Variants in SLC30A8 observed in about 807,000 individuals in gnomAD.
SLC30A8 encodes solute carrier family 30 member 8.
Under a neutral mutation model 36.9 loss-of-function variants are expected in SLC30A8, and 27 were observed. That is an observed-to-expected ratio of 0.73 (90% CI 0.54 to 1.01). The LOEUF is 1.01. SLC30A8 is among the 50% of genes least tolerant of loss of function. The pLI is 0.00. For synonymous variants in SLC30A8, 164 were observed against 172.4 expected (o/e 0.95, Z 0.38); for missense variants, 439 against 452.0 (o/e 0.97, Z 0.26).
intron 1 of SLC30A8, among the ~76,000 whole-genome samples, chr8:116,968,377 A>T (rs1454481965): frequency 4.0e-5 from 6 of 150,088 alleles, no homozygotes; most frequent in Non-Finnish European, 7.4e-5. Flanking sequence ...ATAGTATATT[A>T]TATAGTATAC....
In SLC30A8 at chr8:117,135,303, A is replaced by G. The variant is rs201193557; in HGVS notation, c.-25A>G. ...AGTGAGTTCAACAACAACGACAACA[A>G]CAGCCGCAGCTCATCCTGGCCGTCA... On this transcript the variant is annotated 5_prime_UTR_variant, in exon 1 of 8. Transcript: ENST00000456015. The G allele has an allele frequency of 2.7e-5, 43 of 1,570,390 alleles. 1 individual carries two copies. In the Middle Eastern group the frequency reaches 4.9e-3, roughly 179 times the overall value.
intron 1 of SLC30A8, among the ~76,000 whole-genome samples, chr8:117,038,162 A>T (rs758183886): frequency 6.6e-6 from 1 of 152,200 alleles, no homozygotes. Flanking sequence ...TAATATGGAT[A>T]CTCGGTAAAA....
At chr8:117,064,515 C>A (rs995305564) in intron 2 of SLC30A8, among the ~76,000 whole-genome samples, 1 of 152,144 alleles carries the variant, frequency 6.6e-6, no homozygotes, top group African/African-American at 2.4e-5. Flanking sequence ...GATATTACAG[C>A]GAGATCTCAG....
chr8:117,010,263 G>T (rs745658742), intron 1 of SLC30A8, among the ~76,000 whole-genome samples: 4 of 152,172 alleles, frequency 2.6e-5, no homozygotes, highest in African/African-American at 9.7e-5. Flanking sequence ...CTGACTTTGG[G>T]TGAGGGAGCT....
At chr8:117,068,304 T>A (rs1818228291) in intron 2 of SLC30A8, among the ~76,000 whole-genome samples, 1 of 152,156 alleles carries the variant, frequency 6.6e-6, no homozygotes, top group African/African-American at 2.4e-5. Flanking sequence ...GCTTCACTAG[T>A]AAAATGTAAT....
chr8:117,159,060 C>T (rs952876649), intron 4 of SLC30A8, among the ~76,000 whole-genome samples: 5 of 152,130 alleles, frequency 3.3e-5, no homozygotes, highest in Non-Finnish European at 7.3e-5. Context: ...ATGGAGAAAT[C>T]GGCCTGGAGC....
chr8:117,088,458 C>G (rs115722445), intron 2 of SLC30A8, among the ~76,000 whole-genome samples: 1 of 152,072 alleles, frequency 6.6e-6, no homozygotes, highest in South Asian at 2.1e-4. Context: ...CATTAATAAC[C>G]CAAATACCTG....
chr8:116,970,358 T>C (rs576168467), intron 1 of SLC30A8, among the ~76,000 whole-genome samples: 84 of 152,296 alleles, frequency 5.5e-4, no homozygotes, highest in South Asian at 4.6e-3. Flanking sequence ...CCTGGGGCTG[T>C]TTTACAGTTC....
chr8:117,172,810 C>CTATT lies in SLC30A8; in HGVS notation c.*136_*139dup. 9.2e-7 allele frequency: 1 copy of CTATT among 1,089,988 alleles called. No homozygotes were observed. The highest frequency in any genetic ancestry group is 1.5e-5 in the South Asian group (1 of 66,078). 67.5% of individuals were successfully genotyped at this position (1,089,988 alleles called of 1,614,324 possible). A position where few individuals can be genotyped will look rare whatever the true frequency, so the allele number is the denominator to read the frequency against. On this transcript the variant is annotated 3_prime_UTR_variant, in exon 8 of 8. Coordinates refer to ENST00000456015, the MANE Select transcript of SLC30A8 (RefSeq NM_173851.3). Reference sequence around the variant, plus strand: ...TGTCATGGTGCAATGCACATTTTATCTATTTATTTAGTTCCATTCACCATG... The same window carrying CTATT: ...TGTCATGGTGCAATGCACATTTTATCTATTTATTTATTTAGTTCCATTCACCATG...
intron 1 of SLC30A8, among the ~76,000 whole-genome samples, chr8:117,004,978 T>TA (rs915590778): frequency 3.3e-5 from 5 of 151,768 alleles, no homozygotes; most frequent in Non-Finnish European, 4.4e-5. Context: ...TCCCCACCTT[T>TA]AAAAAAAACA....
intron 2 of SLC30A8, among the ~76,000 whole-genome samples, chr8:117,105,509 G>A (rs539416188): frequency 2.6e-5 from 4 of 152,148 alleles, no homozygotes; most frequent in East Asian, 3.9e-4. Context: ...GTATATTAAC[G>A]AATACGCATA....
At chr8:116,981,260 T>G (rs747325234) in intron 1 of SLC30A8, among the ~76,000 whole-genome samples, 1 of 152,188 alleles carries the variant, frequency 6.6e-6, no homozygotes, top group Non-Finnish European at 1.5e-5. Flanking sequence ...AGCTTGGTGC[T>G]CTAGAGAACC....
At chr8:117,026,614 T>A (rs552263132) in intron 1 of SLC30A8, among the ~76,000 whole-genome samples, 1 of 152,314 alleles carries the variant, frequency 6.6e-6, no homozygotes, top group Non-Finnish European at 1.5e-5. Flanking sequence ...AGCTCTTAGA[T>A]GAAGTATCCA....
intron 2 of SLC30A8, among the ~76,000 whole-genome samples, chr8:117,064,028 G>A (rs1269986784): frequency 6.0e-5 from 9 of 151,006 alleles, no homozygotes; most frequent in South Asian, 4.2e-4. Flanking sequence ...AGGGAATTTC[G>A]CTCTTGTTGC....
At chr8:117,035,033 A>G (rs1817169871) in intron 1 of SLC30A8, among the ~76,000 whole-genome samples, 1 of 152,164 alleles carries the variant, frequency 6.6e-6, no homozygotes, top group South Asian at 2.1e-4. Context: ...CACTGTGGGG[A>G]TTACAGTTCA....
intron 2 of SLC30A8, among the ~76,000 whole-genome samples, chr8:117,075,764 A>G (rs1158385214): frequency 1.3e-5 from 2 of 152,172 alleles, no homozygotes; most frequent in African/African-American, 4.8e-5. Flanking sequence ...TCATGTTCCA[A>G]ACCCTTCAGT....
chr8:117,083,707 C>T (rs1818754438), intron 2 of SLC30A8, among the ~76,000 whole-genome samples: 1 of 152,124 alleles, frequency 6.6e-6, no homozygotes, highest in African/African-American at 2.4e-5. Flanking sequence ...TATGAGATGG[C>T]AAAGAATGTT....
At chr8:117,156,663 G>A (rs1199200982) in intron 3 of SLC30A8, among the ~76,000 whole-genome samples, 2 of 152,166 alleles carry the variant, frequency 1.3e-5, no homozygotes, top group African/African-American at 2.4e-5. Context: ...AAATAAACTA[G>A]CACATCAAAT....
At chr8:117,164,706 C>CTA (rs1439347280) in intron 6 of SLC30A8, among the ~76,000 whole-genome samples, 1 of 152,172 alleles carries the variant, frequency 6.6e-6, no homozygotes, top group Non-Finnish European at 1.5e-5. Context: ...GTGTGGGCCT[C>CTA]TTATTAGAGA....
Sources: gnomAD v4.1 joint callset for allele counts (sites outside exome capture counted in the v4.1 genomes callset) on GRCh38, gnomAD v4.1.1 for gene constraint, MANE v1.5 for transcripts, NCBI Gene and HGNC (gene_info 2026-07-23, HGNC 2026-07-21) for gene names.